Variants in MRAS observed in about 807,000 individuals in gnomAD.
The protein encoded by MRAS is muscle RAS oncogene homolog.
A neutral mutation model predicts 20.9 loss-of-function variants in MRAS; 4 were observed. That is an observed-to-expected ratio of 0.19 (90% CI 0.09 to 0.44). MRAS has a LOEUF of 0.44. Among genes scored for constraint, MRAS ranks in the 20% least tolerant of loss-of-function variants. The probability of loss-of-function intolerance (pLI) is 0.99; values close to 1 mark genes in which losing one functional copy is unlikely to be tolerated. For missense variants in MRAS, 154 were observed against 277.5 expected (o/e 0.56, Z 3.16); for synonymous variants, 98 against 102.9 (o/e 0.95, Z 0.29).
chr3:138,389,042 G>A (rs1037547386), intron 2 of MRAS, among the ~76,000 whole-genome samples: 3 of 151,906 alleles, frequency 2.0e-5, no homozygotes, highest in Admixed American at 6.6e-5. Flanking sequence ...GGGTTTTACC[G>A]TGTTGTCTAG....
At chr3:138,391,906 G>A (rs1576381016) in intron 2 of MRAS, among the ~76,000 whole-genome samples, 1 of 152,182 alleles carries the variant, frequency 6.6e-6, no homozygotes, top group Non-Finnish European at 1.5e-5. Flanking sequence ...TTGGGAGGCC[G>A]AGGCAGGTGG....
chr3:138,397,202 C>G, intron 2 of MRAS, 122 bp from the exon 3 acceptor site: 2 of 1,191,774 alleles, frequency 1.7e-6, no homozygotes, highest in Non-Finnish European at 2.3e-6. Context: ...TGCAGCCTCT[C>G]ACGGGACAGC....
In MRAS at chr3:138,402,514, G is replaced by GC. The variant is rs892725242; in HGVS notation, c.*252dup. On this transcript the variant is annotated 3_prime_UTR_variant, in exon 6 of 6. Coordinates refer to ENST00000423968, the MANE Select transcript of MRAS (RefSeq NM_001085049.3). ...CAGAAGCAGCATCCAAGTGCCCCTG[G>GC]CCCCCCCATGTGTTGATTCAACCCG... is the stretch of plus-strand genomic sequence containing the variant. 8.8e-6 allele frequency: 4 copies of GC among 452,998 alleles called. No individual in the cohort carries two copies. The highest frequency in any genetic ancestry group is 7.8e-6 in the Non-Finnish European group (2 of 256,422). 28.1% of individuals were successfully genotyped at this position (452,998 alleles called of 1,614,324 possible).
chr3:138,377,119 C>T (rs185387618), intron 2 of MRAS, among the ~76,000 whole-genome samples: 328 of 152,328 alleles, frequency 2.2e-3, no homozygotes, highest in African/African-American at 6.8e-3. Flanking sequence ...TAGAAGTGTG[C>T]ATTTGCAAAG....
chr3:138,386,772 C>T (rs1010609538), intron 2 of MRAS, among the ~76,000 whole-genome samples: 5 of 152,302 alleles, frequency 3.3e-5, no homozygotes, highest in South Asian at 2.1e-4. Flanking sequence ...CGTGAGCCAC[C>T]GCGTTCGGCC....
At chr3:138,356,272 C>A (rs1560161010) in intron 1 of MRAS, among the ~76,000 whole-genome samples, 1 of 152,204 alleles carries the variant, frequency 6.6e-6, no homozygotes, top group East Asian at 1.9e-4. Context: ...GCATGTGGAT[C>A]TGTGGGGAGA....
At position 138,376,930 on chromosome 3, in the gene MRAS, G is replaced by C. The variant is rs4437086; in HGVS notation, c.193+3854G>C. Among the ~76,000 whole-genome samples the C allele has an allele frequency of 1.6e-3, 244 of 152,290 alleles. 1 individual carries two copies. The highest frequency in any genetic ancestry group is 5.5e-3 in the African/African-American group (230 of 41,562). ...AAAGTAACACCATGCCTGGTACATC[G>C]TTGGAACTCAATCAGTATTTCTCTC... On this transcript the variant is annotated intron_variant, in intron 2 of 5. Coordinates refer to ENST00000423968, the MANE Select transcript of MRAS (RefSeq NM_001085049.3).
chr3:138,370,852 C>T, intron 1 of MRAS, among the ~76,000 whole-genome samples: 1 of 152,012 alleles, frequency 6.6e-6, no homozygotes, highest in African/African-American at 2.4e-5. Flanking sequence ...TGCTAAAGTT[C>T]TTAATGCCTG....
At chr3:138,396,563 A>G (rs2055239969) in intron 2 of MRAS, among the ~76,000 whole-genome samples, 1 of 152,236 alleles carries the variant, frequency 6.6e-6, no homozygotes, top group Non-Finnish European at 1.5e-5. Context: ...CACCCTGCCT[A>G]CCGAGCTTGT....
intron 1 of MRAS, among the ~76,000 whole-genome samples, chr3:138,372,180 A>G (rs2108518979): frequency 6.6e-6 from 1 of 152,124 alleles, no homozygotes; most frequent in East Asian, 1.9e-4. Flanking sequence ...CATTGCAAAT[A>G]TCCCTGGGGA....
At chr3:138,378,192 T>C (rs749690738) in intron 2 of MRAS, among the ~76,000 whole-genome samples, 7 of 152,248 alleles carry the variant, frequency 4.6e-5, no homozygotes, top group Non-Finnish European at 1.0e-4. Context: ...GGTTGTGATC[T>C]CAGTCTCACG....
chr3:138,373,154 G>C, intron 2 of MRAS, 78 bp downstream of exon 2: 3 of 1,237,020 alleles, frequency 2.4e-6, no homozygotes, highest in Non-Finnish European at 3.2e-6. Context: ...GGTTTCAGTG[G>C]GGCAAGATGG....
chr3:138,364,124 T>G (rs978049655), intron 1 of MRAS, among the ~76,000 whole-genome samples: 3 of 152,132 alleles, frequency 2.0e-5, no homozygotes, highest in Admixed American at 2.0e-4. Flanking sequence ...GAGACATGCC[T>G]GCTGCCCTCC....
At chr3:138,363,815 AT>A (rs1180828886) in intron 1 of MRAS, among the ~76,000 whole-genome samples, 2 of 70,210 alleles carry the variant, frequency 2.8e-5, no homozygotes, top group African/African-American at 1.1e-4. Flanking sequence ...CTGTTAGAGG[AT>A]TTACCCCCCC....
intron 1 of MRAS, among the ~76,000 whole-genome samples, chr3:138,354,250 AAAAG>A (rs1370830534): frequency 6.6e-6 from 1 of 152,172 alleles, no homozygotes; most frequent in Non-Finnish European, 1.5e-5. Context: ...TTAATTTTGA[AAAAG>A]AAAAGTGTAA....
At chr3:138,392,753 A>T (rs916912204) in intron 2 of MRAS, among the ~76,000 whole-genome samples, 1 of 152,218 alleles carries the variant, frequency 6.6e-6, no homozygotes, top group African/African-American at 2.4e-5. Context: ...TCTTTGAAAG[A>T]AGGCAGGCAA....
intron 1 of MRAS, among the ~76,000 whole-genome samples, chr3:138,372,096 C>A (rs1260288086): frequency 6.6e-6 from 1 of 152,124 alleles, no homozygotes; most frequent in African/African-American, 2.4e-5. Flanking sequence ...GCGCATTGTA[C>A]AATCCCTGGT....
intron 2 of MRAS, among the ~76,000 whole-genome samples, chr3:138,374,165 G>A (rs1385377204): frequency 6.6e-6 from 1 of 151,944 alleles, no homozygotes; most frequent in Non-Finnish European, 1.5e-5. Context: ...GTTTCACCAT[G>A]TTGGCCAGGA....
intron 1 of MRAS, 72 bp from the exon 2 acceptor site, chr3:138,372,794 G>A (rs1284100978): frequency 3.3e-5 from 38 of 1,140,686 alleles, no homozygotes; most frequent in Non-Finnish European, 4.0e-5. Context: ...TTATAAAGGA[G>A]GAAAACATAT....
Sources: allele counts gnomAD v4.1 joint callset (sites outside exome capture counted in the v4.1 genomes callset), GRCh38; gene constraint gnomAD v4.1.1; transcripts MANE v1.5; gene names NCBI Gene and HGNC (gene_info 2026-07-23, HGNC 2026-07-21).